Variants in ZNF804B observed in about 807,000 individuals in gnomAD.
ZNF804B encodes zinc finger protein 804B.
In ZNF804B, 80 loss-of-function variants were observed where a neutral mutation model predicts 101.4. That is an observed-to-expected ratio of 0.79 (90% CI 0.66 to 0.95). The LOEUF is 0.95. Among genes scored for constraint, ZNF804B ranks in the 40% least tolerant of loss-of-function variants. ZNF804B has a pLI of 0.00. For synonymous variants in ZNF804B, 622 were observed against 558.8 expected (o/e 1.11, Z -1.59); for missense variants, 1,673 against 1,561.9 (o/e 1.07, Z -1.20).
intron 1 of ZNF804B, among the ~76,000 whole-genome samples, chr7:89,034,379 T>A (rs1023090535): frequency 6.6e-6 from 1 of 152,078 alleles, no homozygotes; most frequent in Non-Finnish European, 1.5e-5. Flanking sequence ...CCACAATTTC[T>A]CCTAATGCTA....
intron 2 of ZNF804B, among the ~76,000 whole-genome samples, chr7:89,252,246 G>T (rs1789553359): frequency 6.6e-6 from 1 of 152,098 alleles, no homozygotes; most frequent in Non-Finnish European, 1.5e-5. Flanking sequence ...GTGTGCAAAA[G>T]ACATGAACAG....
At chr7:89,269,069 C>T in intron 2 of ZNF804B, among the ~76,000 whole-genome samples, 1 of 151,446 alleles carries the variant, frequency 6.6e-6, no homozygotes, top group Non-Finnish European at 1.5e-5. Flanking sequence ...ATGTTTTCTT[C>T]TTTGTTTATT....
chr7:89,230,207 A>G (rs1042717030), intron 2 of ZNF804B, among the ~76,000 whole-genome samples: 8 of 152,014 alleles, frequency 5.3e-5, no homozygotes, highest in African/African-American at 1.9e-4. Context: ...ATAAGAACCA[A>G]TGGTGAAAAT....
At chr7:88,961,077 A>AACCTCTG (rs370947034) in intron 1 of ZNF804B, among the ~76,000 whole-genome samples, 76 of 151,554 alleles carry the variant, frequency 5.0e-4, no homozygotes, top group Middle Eastern at 6.8e-3. Flanking sequence ...TGTGAATCAA[A>AACCTCTG]ACCTCTGATT....
chr7:88,761,863 A>T (rs1789902487), intron 1 of ZNF804B, among the ~76,000 whole-genome samples: 1 of 152,156 alleles, frequency 6.6e-6, no homozygotes, highest in African/African-American at 2.4e-5. Context: ...TTTCTGTTAC[A>T]TGGTCAAAAA....
At chr7:89,095,225 C>T (rs1174487949) in intron 1 of ZNF804B, among the ~76,000 whole-genome samples, 1 of 152,066 alleles carries the variant, frequency 6.6e-6, no homozygotes, top group African/African-American at 2.4e-5. Flanking sequence ...CCCATTCCAC[C>T]GTGTGAGGAC....
rs565254350 is a variant in ZNF804B, at chr7:89,226,375, T to A, written c.249+8080T>A. Among the ~76,000 whole-genome samples the A allele has an allele frequency of 3.6e-3, 546 of 152,152 alleles. 6 individuals are homozygous for A. The highest frequency in any genetic ancestry group is 0.012 in the African/African-American group (509 of 41,554). ...TACAATGAAGAGAGAGTGGCTAAAT[T>A]ATGGTGGACTTAAACTGGAATAATA... On this transcript the variant is annotated intron_variant, in intron 2 of 3. Coordinates refer to ENST00000333190, the MANE Select transcript of ZNF804B (RefSeq NM_181646.5).
chr7:88,771,303 C>A (rs951278822), intron 1 of ZNF804B, among the ~76,000 whole-genome samples: 1 of 151,864 alleles, frequency 6.6e-6, no homozygotes, highest in South Asian at 2.1e-4. Flanking sequence ...TAAAAAAATT[C>A]TATTCTAGAC....
intron 1 of ZNF804B, among the ~76,000 whole-genome samples, chr7:88,778,491 A>G (rs542684145): frequency 1.3e-5 from 2 of 152,330 alleles, no homozygotes; most frequent in East Asian, 3.9e-4. Flanking sequence ...AGACTCCTAT[A>G]CATCTGTAGT....
At chr7:89,275,542 G>A (rs569005409) in intron 2 of ZNF804B, among the ~76,000 whole-genome samples, 1 of 151,892 alleles carries the variant, frequency 6.6e-6, no homozygotes, top group South Asian at 2.1e-4. Context: ...CCAGGCTCTT[G>A]CACTTGTAGT....
At chr7:88,822,790 G>A (rs914621353) in intron 1 of ZNF804B, among the ~76,000 whole-genome samples, 3 of 152,138 alleles carry the variant, frequency 2.0e-5, no homozygotes, top group Admixed American at 1.3e-4. Context: ...CTTTGATTTA[G>A]TCACATCATT....
At chr7:89,272,863 T>G (rs1163631270) in intron 2 of ZNF804B, among the ~76,000 whole-genome samples, 1 of 152,108 alleles carries the variant, frequency 6.6e-6, no homozygotes, top group Non-Finnish European at 1.5e-5. Context: ...AAAGGCCAAC[T>G]CCAATTCTGT....
Position 89,259,227 on chromosome 7 carries a change from T to C in ZNF804B, c.249+40932T>C, listed in dbSNP as rs1380085949. On this transcript the variant is annotated intron_variant, in intron 2 of 3. Transcript: ENST00000333190. ...ATTTCCCTCATCATCTTTTGTTAATTCCTTTAGTGTGGTGTCTATTGGCTC... is the reference window on the plus strand; with the variant it reads ...ATTTCCCTCATCATCTTTTGTTAATCCCTTTAGTGTGGTGTCTATTGGCTC... Among the ~76,000 whole-genome samples the C allele has an allele frequency of 3.3e-5, 5 of 152,194 alleles. No individual in the cohort carries two copies. The East Asian group carries it at 5.8e-4, about 18-fold the overall frequency.
At chr7:89,175,297 A>G (rs1350609985) in intron 1 of ZNF804B, among the ~76,000 whole-genome samples, 1 of 144,222 alleles carries the variant, frequency 6.9e-6, no homozygotes, top group Non-Finnish European at 1.6e-5. Flanking sequence ...CTGCATATGG[A>G]TATCCAATTT....
chr7:88,772,964 G>T (rs1019383996), intron 1 of ZNF804B, among the ~76,000 whole-genome samples: 4 of 152,138 alleles, frequency 2.6e-5, no homozygotes, highest in Non-Finnish European at 5.9e-5. Context: ...GGTGCTTTTG[G>T]CATAAGCCCA....
At chr7:89,261,091 G>A (rs942322627) in intron 2 of ZNF804B, among the ~76,000 whole-genome samples, 81 of 152,212 alleles carry the variant, frequency 5.3e-4, no homozygotes, top group African/African-American at 1.8e-3. Context: ...TCAGCTCAAG[G>A]CAATAGCAAC....
rs760271876 is a variant in ZNF804B, at chr7:89,334,532, C to T, written c.1550C>T (p.Ser517Leu). The stretch of plus-strand genomic sequence containing the variant: ...AAGACTAAAAGAGAGAGCCAAGTCT[C>T]AGGTTTAACTGAAGACCAACAAAAA... ...ELKTKRESQV[S>L]GLTEDQQKLI... The change falls in exon 4 of 4, where the codon TCA becomes TTA. Residue 517 changes from serine to leucine, a missense_variant. By Grantham distance (145) the Ser-to-Leu change is moderately radical. Transcript: ENST00000333190. The T allele has an allele frequency of 1.9e-6, 3 of 1,613,474 alleles. No individual in the cohort carries two copies. The African/African-American group carries it at 4.0e-5, about 22-fold the overall frequency.
At chr7:88,863,920 G>T (rs1034790155) in intron 1 of ZNF804B, among the ~76,000 whole-genome samples, 4 of 152,176 alleles carry the variant, frequency 2.6e-5, no homozygotes, top group Non-Finnish European at 4.4e-5. Flanking sequence ...TGTCTGTAGG[G>T]TGGGGCTCTG....
At chr7:89,143,639 C>G (rs1438849154) in intron 1 of ZNF804B, among the ~76,000 whole-genome samples, 3 of 152,068 alleles carry the variant, frequency 2.0e-5, no homozygotes, top group African/African-American at 2.4e-5. Context: ...CATTCTTCCA[C>G]TAATCTTCAC....
Sources: allele counts gnomAD v4.1 joint callset (sites outside exome capture counted in the v4.1 genomes callset), GRCh38; gene constraint gnomAD v4.1.1; transcripts MANE v1.5; gene names NCBI Gene and HGNC (gene_info 2026-07-23, HGNC 2026-07-21).